Variants in GALNT13 observed in about 807,000 individuals in gnomAD.
GALNT13 encodes the protein UDP-GalNAc:polypeptide N-acetylgalactosaminyltransferase 13.
In GALNT13, 28 loss-of-function variants were observed where a neutral mutation model predicts 64.2. The observed-to-expected ratio is 0.44, with a 90% CI of 0.32 to 0.60. GALNT13 has a LOEUF of 0.60. Ranked by LOEUF, GALNT13 falls within the 20% of genes least tolerant of loss-of-function variation. GALNT13 has a pLI of 0.05. For missense variants in GALNT13, 577 were observed against 669.8 expected (o/e 0.86, Z 1.53); for synonymous variants, 214 against 224.6 (o/e 0.95, Z 0.42).
At chr2:153,107,566 T>A in the GALNT13 span, among the ~76,000 whole-genome samples, 1 of 152,090 alleles carries the variant, frequency 6.6e-6, no homozygotes, top group Non-Finnish European at 1.5e-5. Context: ...GGAAAATACA[T>A]CTGAACCAAA....
At chr2:153,162,998 C>G in the GALNT13 span, among the ~76,000 whole-genome samples, 1 of 152,058 alleles carries the variant, frequency 6.6e-6, no homozygotes, top group African/African-American at 2.4e-5. Flanking sequence ...GACAGTGAGG[C>G]CAGAAGAAGA....
chr2:154,423,884 T>A (rs1360144758), intron 11 of GALNT13, among the ~76,000 whole-genome samples: 1 of 152,158 alleles, frequency 6.6e-6, no homozygotes, highest in African/African-American at 2.4e-5. Flanking sequence ...GATTCTATAA[T>A]GTGAGTCATA....
intron 7 of GALNT13, among the ~76,000 whole-genome samples, chr2:154,247,534 A>G (rs746698515): frequency 1.2e-4 from 19 of 152,064 alleles, no homozygotes; most frequent in Non-Finnish European, 2.2e-4. Context: ...TGCTTTATTT[A>G]TGTTCTCACA....
At chr2:153,795,522 T>C in the GALNT13 span, among the ~76,000 whole-genome samples, 3 of 151,558 alleles carry the variant, frequency 2.0e-5, no homozygotes, top group Non-Finnish European at 4.4e-5. Context: ...CCCAGCTAGG[T>C]ACTTTTTTTT....
chr2:153,142,452 T>C, the GALNT13 span, among the ~76,000 whole-genome samples: 6 of 152,156 alleles, frequency 3.9e-5, no homozygotes, highest in South Asian at 1.2e-3. Flanking sequence ...TGATAAAAGG[T>C]TTAAATGGTC....
the GALNT13 span, among the ~76,000 whole-genome samples, chr2:153,113,563 G>A: frequency 6.6e-6 from 1 of 151,966 alleles, no homozygotes; most frequent in Non-Finnish European, 1.5e-5. Flanking sequence ...GAAAATCAGA[G>A]TACTTATAAT....
chr2:153,866,555 TAAGA>T, the GALNT13 span, among the ~76,000 whole-genome samples: 1 of 152,182 alleles, frequency 6.6e-6, no homozygotes, highest in South Asian at 2.1e-4. Context: ...TTATGGATAA[TAAGA>T]TAAACTAGAG....
intron 1 of GALNT13, among the ~76,000 whole-genome samples, chr2:153,894,353 T>C (rs1160902219): frequency 6.6e-6 from 1 of 152,050 alleles, no homozygotes; most frequent in Admixed American, 6.6e-5. Context: ...CTAACCATGA[T>C]GTAGAGACTG....
At chr2:153,240,962 AC>A in the GALNT13 span, among the ~76,000 whole-genome samples, 1 of 151,934 alleles carries the variant, frequency 6.6e-6, no homozygotes, top group African/African-American at 2.4e-5. Flanking sequence ...GATTCAGGAG[AC>A]TTTTCCTCAA....
At chr2:154,411,300 A>G (rs777668714) in intron 11 of GALNT13, among the ~76,000 whole-genome samples, 2 of 150,136 alleles carry the variant, frequency 1.3e-5, no homozygotes, top group African/African-American at 2.5e-5. Context: ...TTTTCCATCT[A>G]CATACTTAAT....
chr2:153,175,902 T>TG, the GALNT13 span, among the ~76,000 whole-genome samples: 2 of 152,010 alleles, frequency 1.3e-5, no homozygotes, highest in African/African-American at 4.8e-5. Context: ...GAAACTTCAC[T>TG]GGGGGGAGTA....
intron 3 of GALNT13, among the ~76,000 whole-genome samples, chr2:154,138,890 CCTT>C (rs1435274396): frequency 6.6e-5 from 10 of 151,946 alleles, no homozygotes; most frequent in African/African-American, 2.4e-4. Flanking sequence ...GAAAAATACA[CCTT>C]CTCATAAAAT....
the GALNT13 span, among the ~76,000 whole-genome samples, chr2:153,438,788 G>C: frequency 1.3e-5 from 2 of 151,998 alleles, no homozygotes; most frequent in African/African-American, 2.4e-5. Flanking sequence ...CTTTAGCTCA[G>C]AGTAGTTTGA....
intron 12 of GALNT13, among the ~76,000 whole-genome samples, chr2:154,447,347 G>T (rs1701644205): frequency 6.6e-6 from 1 of 151,616 alleles, no homozygotes; most frequent in Non-Finnish European, 1.5e-5. Context: ...ATTTCTTTGT[G>T]GTTGCCTAAG....
the GALNT13 span, among the ~76,000 whole-genome samples, chr2:153,177,240 G>C: frequency 6.6e-6 from 1 of 152,244 alleles, no homozygotes; most frequent in South Asian, 2.1e-4. Flanking sequence ...GATTATTAAT[G>C]TAGCCCTGCT....
At chr2:154,118,562 T>C (rs1681741279) in intron 3 of GALNT13, among the ~76,000 whole-genome samples, 2 of 151,884 alleles carry the variant, frequency 1.3e-5, no homozygotes, top group African/African-American at 4.8e-5. Flanking sequence ...CTTTGTTTTC[T>C]GATTGTTTTG....
the GALNT13 span, among the ~76,000 whole-genome samples, chr2:153,433,227 A>G: frequency 1.3e-5 from 2 of 152,214 alleles, no homozygotes; most frequent in Non-Finnish European, 1.5e-5. Flanking sequence ...ACAGGATTCA[A>G]TCTTGCTACC....
At chr2:153,386,296 G>A in the GALNT13 span, among the ~76,000 whole-genome samples, 2 of 152,000 alleles carry the variant, frequency 1.3e-5, no homozygotes, top group Admixed American at 1.3e-4. Context: ...GTTAAGTGGG[G>A]AACTACATTA....
At chr2:153,990,414 C>G (rs1695086231) in intron 3 of GALNT13, among the ~76,000 whole-genome samples, 1 of 152,060 alleles carries the variant, frequency 6.6e-6, no homozygotes, top group Non-Finnish European at 1.5e-5. Flanking sequence ...ATGTTAGCAT[C>G]CTGTGTCTGT....
Sources: allele counts gnomAD v4.1 joint callset (sites outside exome capture counted in the v4.1 genomes callset), GRCh38; gene constraint gnomAD v4.1.1; transcripts MANE v1.5; gene names NCBI Gene and HGNC (gene_info 2026-07-23, HGNC 2026-07-21).